The following RSPO2 variants were observed in gnomAD, a reference collection of about 807,000 sequenced individuals.
RSPO2 encodes R-spondin 2.
RSPO2 carries 14 observed loss-of-function variants against 30.9 expected under a neutral mutation model. The ratio of observed to expected loss-of-function variants is 0.45; its 90% CI spans 0.30 to 0.71. The LOEUF (loss-of-function observed/expected upper bound fraction) is 0.71, where lower values mean the gene tolerates loss of function less well. Among genes scored for constraint, RSPO2 ranks in the 30% least tolerant of loss-of-function variants. RSPO2 has a pLI of 0.08. For synonymous variants in RSPO2, 107 were observed against 96.4 expected (o/e 1.11, Z -0.64); for missense variants, 264 against 301.9 (o/e 0.87, Z 0.93).
At chr8:107,999,645 G>C (rs1344908602) in intron 2 of RSPO2, among the ~76,000 whole-genome samples, 2 of 152,108 alleles carry the variant, frequency 1.3e-5, no homozygotes, top group African/African-American at 4.8e-5. Flanking sequence ...ATGTTGGCCA[G>C]GCTGGTCTCG....
chr8:107,976,723 G>GCT (rs1814226705), intron 3 of RSPO2, among the ~76,000 whole-genome samples: 3 of 152,140 alleles, frequency 2.0e-5, no homozygotes, highest in Non-Finnish European at 4.4e-5. Flanking sequence ...GCCAGTTGTG[G>GCT]ACTGAGCAAG....
At chr8:108,049,935 T>C (rs578104790) in intron 2 of RSPO2, among the ~76,000 whole-genome samples, 1 of 152,302 alleles carries the variant, frequency 6.6e-6, no homozygotes, top group African/African-American at 2.4e-5. Flanking sequence ...GAGTTACATA[T>C]ATCTTAGGCT....
At chr8:108,068,500 G>A (rs193124249) in intron 2 of RSPO2, among the ~76,000 whole-genome samples, 7 of 152,092 alleles carry the variant, frequency 4.6e-5, no homozygotes, top group African/African-American at 1.7e-4. Context: ...TGAAAATAAG[G>A]ATTTAAAAGA....
At chr8:107,998,630 T>C (rs1346537360) in intron 2 of RSPO2, among the ~76,000 whole-genome samples, 1 of 152,156 alleles carries the variant, frequency 6.6e-6, no homozygotes, top group African/African-American at 2.4e-5. Context: ...TAAAGGTAAA[T>C]TTCTAAATTT....
intron 2 of RSPO2, among the ~76,000 whole-genome samples, chr8:108,006,537 A>G (rs1815456795): frequency 6.6e-6 from 1 of 152,084 alleles, no homozygotes; most frequent in South Asian, 2.1e-4. Context: ...ATATTAAAAT[A>G]TAAGACAGAC....
chr8:108,023,599 AG>A (rs2130617041), intron 2 of RSPO2, among the ~76,000 whole-genome samples: 1 of 152,334 alleles, frequency 6.6e-6, no homozygotes, highest in South Asian at 2.1e-4. Flanking sequence ...TGAACAGAAA[AG>A]TGGGGTTACT....
At chr8:107,988,924 A>T in intron 3 of RSPO2, 132 bp downstream of exon 3, 1 of 824,734 alleles carries the variant, frequency 1.2e-6, no homozygotes. Flanking sequence ...CACCACACCC[A>T]GCAAGCTTAA....
intron 5 of RSPO2, among the ~76,000 whole-genome samples, chr8:107,909,940 T>C (rs954619062): frequency 2.0e-5 from 3 of 152,204 alleles, no homozygotes; most frequent in Non-Finnish European, 4.4e-5. Context: ...GGACTCAAAC[T>C]GTGCTGCCAG....
chr8:107,936,105 C>T (rs550634451), intron 5 of RSPO2, among the ~76,000 whole-genome samples: 1 of 152,204 alleles, frequency 6.6e-6, no homozygotes, highest in South Asian at 2.1e-4. Context: ...CCTTCCTACC[C>T]ACACATCCTT....
intron 5 of RSPO2, among the ~76,000 whole-genome samples, chr8:107,924,094 A>T (rs200407753): frequency 5.0e-5 from 3 of 60,256 alleles, no homozygotes; most frequent in African/African-American, 6.8e-5. Context: ...ACATACAATT[A>T]AAAAAAAAAA....
intron 3 of RSPO2, among the ~76,000 whole-genome samples, chr8:107,966,268 C>A (rs1813801589): frequency 6.6e-6 from 1 of 152,114 alleles, no homozygotes; most frequent in Non-Finnish European, 1.5e-5. Context: ...CATAACATCA[C>A]CATGTTTCCT....
chr8:107,962,215 A>T (rs1813648927), intron 3 of RSPO2, among the ~76,000 whole-genome samples: 1 of 142,444 alleles, frequency 7.0e-6, no homozygotes, highest in Admixed American at 7.5e-5. Flanking sequence ...ATAAAGGGGT[A>T]AAAAAAAAAT....
chr8:107,973,087 G>A (rs189761811), intron 3 of RSPO2, among the ~76,000 whole-genome samples: 2 of 152,182 alleles, frequency 1.3e-5, no homozygotes, highest in African/African-American at 4.8e-5. Flanking sequence ...TGGCTAACAC[G>A]GTGAAACCTC....
intron 3 of RSPO2, among the ~76,000 whole-genome samples, chr8:107,980,617 C>A (rs1438911058): frequency 6.6e-6 from 1 of 152,170 alleles, no homozygotes; most frequent in Non-Finnish European, 1.5e-5. Flanking sequence ...AGTTGGTCAA[C>A]ATCAATCACT....
At chr8:107,939,936 A>G (rs772010372) in intron 5 of RSPO2, among the ~76,000 whole-genome samples, 7 of 152,144 alleles carry the variant, frequency 4.6e-5, no homozygotes, top group Non-Finnish European at 1.0e-4. Flanking sequence ...ACCAGAGGTA[A>G]CATCAAGGAA....
At chr8:108,032,804 A>G (rs1322936538) in intron 2 of RSPO2, among the ~76,000 whole-genome samples, 1 of 151,830 alleles carries the variant, frequency 6.6e-6, no homozygotes, top group Non-Finnish European at 1.5e-5. Context: ...CTAATTTTAA[A>G]AATTTTTTAC....
chr8:108,030,684 A>T (rs2130633541), intron 2 of RSPO2, among the ~76,000 whole-genome samples: 1 of 152,344 alleles, frequency 6.6e-6, no homozygotes, highest in East Asian at 1.9e-4. Flanking sequence ...AGGTGTATCC[A>T]AGCATCTGTG....
chr8:108,046,899 A>G (rs1421526576), intron 2 of RSPO2, among the ~76,000 whole-genome samples: 1 of 152,228 alleles, frequency 6.6e-6, no homozygotes, highest in African/African-American at 2.4e-5. Flanking sequence ...CAGAAGATAT[A>G]ACTGAAAAAA....
chr8:108,072,634 G>A (rs914535565), intron 2 of RSPO2, among the ~76,000 whole-genome samples: 9 of 151,504 alleles, frequency 5.9e-5, no homozygotes, highest in East Asian at 1.9e-4. Flanking sequence ...CACCGCGCCC[G>A]GCCGATGCCA....
Sources: allele counts gnomAD v4.1 joint callset (sites outside exome capture counted in the v4.1 genomes callset), GRCh38; gene constraint gnomAD v4.1.1; transcripts MANE v1.5; gene names NCBI Gene and HGNC (gene_info 2026-07-23, HGNC 2026-07-21).